Variants in PGS1 observed in about 807,000 individuals in gnomAD.
The protein encoded by PGS1 is CDP-diacylglycerol--glycerol-3-phosphate 3-phosphatidyltransferase, mitochondrial.
Under a neutral mutation model 58.3 loss-of-function variants are expected in PGS1, and 44 were observed. The ratio of observed to expected loss-of-function variants is 0.75; its 90% CI spans 0.59 to 0.97. The LOEUF (loss-of-function observed/expected upper bound fraction) is 0.97, where lower values mean the gene tolerates loss of function less well. Ranked by LOEUF, PGS1 falls within the 50% of genes least tolerant of loss-of-function variation. The pLI, the probability that PGS1 is intolerant of heterozygous loss-of-function variation, is 0.00. For missense variants in PGS1, 684 were observed against 731.1 expected, an observed-to-expected ratio of 0.94 and a Z score of 0.74; for synonymous variants, 330 against 311.0, an observed-to-expected ratio of 1.06 and a Z score of -0.64.
intron 7 of PGS1, among the ~76,000 whole-genome samples, chr17:78,410,462 CTTTTT>C (rs572547320): frequency 6.9e-4 from 51 of 73,544 alleles, no homozygotes; most frequent in East Asian, 1.5e-3. Context: ...AACTTCAGAG[CTTTTT>C]TTTTTTTTTT....
chr17:78,394,482 A>C (rs1235202548), intron 2 of PGS1, among the ~76,000 whole-genome samples: 1 of 151,912 alleles, frequency 6.6e-6, no homozygotes, highest in African/African-American at 2.4e-5. Context: ...GTACCGAATG[A>C]TGCTGCAACT....
intron 7 of PGS1, among the ~76,000 whole-genome samples, chr17:78,410,707 T>C (rs1285493586): frequency 1.3e-5 from 2 of 152,044 alleles, no homozygotes; most frequent in Non-Finnish European, 2.9e-5. Flanking sequence ...CTCCTGACCT[T>C]GTGATCTGCC....
intron 1 of PGS1, among the ~76,000 whole-genome samples, chr17:78,391,435 T>A (rs1446306113): frequency 6.6e-6 from 1 of 152,240 alleles, no homozygotes; most frequent in East Asian, 1.9e-4. Context: ...TCCTCCTGCC[T>A]CAGCCTCTTG....
intron 9 of PGS1, among the ~76,000 whole-genome samples, chr17:78,422,410 A>G (rs546133394): frequency 7.5e-6 from 1 of 132,840 alleles, no homozygotes; most frequent in East Asian, 2.0e-4. Context: ...TTCTTAACCC[A>G]TGATTTAGGT....
chr17:78,387,129 G>C (rs936451596), intron 1 of PGS1, among the ~76,000 whole-genome samples: 2 of 152,014 alleles, frequency 1.3e-5, no homozygotes, highest in Admixed American at 1.3e-4. Flanking sequence ...TCAGCCTCCC[G>C]AGTAGCTGGG....
intron 7 of PGS1, among the ~76,000 whole-genome samples, chr17:78,405,206 C>T (rs746083693): frequency 6.6e-6 from 1 of 151,704 alleles, no homozygotes; most frequent in Non-Finnish European, 1.5e-5. Context: ...CCATGTTGGC[C>T]AGGCTGGTCT....
chr17:78,407,691 CTG>C (rs1173930820), intron 7 of PGS1, among the ~76,000 whole-genome samples: 1 of 152,246 alleles, frequency 6.6e-6, no homozygotes, highest in African/African-American at 2.4e-5. Flanking sequence ...AGCCAGGACT[CTG>C]TGGATTCTAG....
intron 7 of PGS1, among the ~76,000 whole-genome samples, chr17:78,405,867 G>C (rs2084092298): frequency 6.6e-6 from 1 of 152,200 alleles, no homozygotes; most frequent in African/African-American, 2.4e-5. Context: ...CTGAGTGAGT[G>C]GGGGGCCTCC....
intron 6 of PGS1, among the ~76,000 whole-genome samples, chr17:78,403,323 C>T (rs938351): frequency 0.61 from 92,564 of 151,734 alleles, 28,306 homozygotes; most frequent in Admixed American, 0.65. Context: ...TGGAATGATA[C>T]GTCGACATGC....
Position 78,424,109 on chromosome 17 carries a change from G to C in PGS1, c.*59G>C. 2 of 1,613,714 alleles carry C rather than the reference G, an allele frequency of 1.2e-6. No homozygotes were observed. The highest frequency in any genetic ancestry group is 1.7e-6 in the Non-Finnish European group (2 of 1,179,866). On this transcript the variant is annotated 3_prime_UTR_variant, in exon 10 of 10. Coordinates refer to ENST00000262764, the MANE Select transcript of PGS1 (RefSeq NM_024419.5). Reference sequence around the variant, plus strand: ...GGCATGGCCGGGGTCAGCTCTTTCAGCCGCGCTTCAGCGATGACTCCAGTC... The same window carrying C: ...GGCATGGCCGGGGTCAGCTCTTTCACCCGCGCTTCAGCGATGACTCCAGTC...
intron 7 of PGS1, among the ~76,000 whole-genome samples, chr17:78,409,337 G>C (rs1201032133): frequency 6.6e-6 from 1 of 152,274 alleles, no homozygotes; most frequent in Non-Finnish European, 1.5e-5. Context: ...GGGTGGCTAG[G>C]GCGGAGCAGG....
chr17:78,405,992 A>T (rs772736363), intron 7 of PGS1, among the ~76,000 whole-genome samples: 1 of 152,096 alleles, frequency 6.6e-6, no homozygotes, highest in Non-Finnish European at 1.5e-5. Flanking sequence ...CTTTAAACCA[A>T]TGTTTTTCAA....
intron 1 of PGS1, among the ~76,000 whole-genome samples, chr17:78,380,117 C>T (rs941311436): frequency 8.5e-5 from 13 of 152,078 alleles, no homozygotes; most frequent in African/African-American, 2.9e-4. Flanking sequence ...CCACCTGCCT[C>T]GGCCTCCCAA....
intron 1 of PGS1, among the ~76,000 whole-genome samples, chr17:78,380,236 G>C (rs1346338045): frequency 6.6e-6 from 1 of 152,116 alleles, no homozygotes; most frequent in African/African-American, 2.4e-5. Context: ...GCTTCCTTTA[G>C]TTGAGGTTGC....
At chr17:78,399,564 T>C in intron 5 of PGS1, 27 bp downstream of exon 5, 2 of 1,610,844 alleles carry the variant, frequency 1.2e-6, no homozygotes, top group East Asian at 4.5e-5. Context: ...GTCAGTGCTT[T>C]TGCCCTCCTG....
intron 1 of PGS1, among the ~76,000 whole-genome samples, chr17:78,390,820 T>C (rs1406117188): frequency 1.3e-5 from 2 of 152,138 alleles, no homozygotes; most frequent in African/African-American, 4.8e-5. Context: ...TTGGCCTCAG[T>C]GGAGTGTGGA....
Position 78,398,282 on chromosome 17 carries a change from T to A in PGS1, c.442T>A (p.Ser148Thr), listed in dbSNP as rs752582841. ...VDCLESTLEK[S>T]LQAKFPSNLK... ...CTGCCTGGAAAGTACTCTAGAAAAG[T>A]CACTCCAAGCAAAGTTTCCTTCAAA... The change falls in exon 4 of 10, where the codon TCA becomes ACA. Residue 148 changes from serine (S) to threonine (T), a missense_variant. Ser to Thr is a moderately conservative substitution (Grantham distance 58). Transcript: ENST00000262764. 1 of 1,613,942 alleles carries A rather than the reference T, an allele frequency of 6.2e-7. No individual in the cohort carries two copies. Among genetic ancestry groups the A allele is most frequent in the South Asian group, 1.1e-5 (1 of 91,086 alleles).
At chr17:78,383,317 C>T (rs2146056750) in intron 1 of PGS1, among the ~76,000 whole-genome samples, 1 of 152,130 alleles carries the variant, frequency 6.6e-6, no homozygotes, top group African/African-American at 2.4e-5. Flanking sequence ...ACCTCTGCCT[C>T]CTGGCTTCAA....
chr17:78,385,328 G>A (rs1291310000), intron 1 of PGS1, among the ~76,000 whole-genome samples: 1 of 145,092 alleles, frequency 6.9e-6, no homozygotes, highest in Non-Finnish European at 1.5e-5. Context: ...TCGTACTTTC[G>A]CCCAGGTCAG....
Sources: gnomAD v4.1 joint callset for allele counts (sites outside exome capture counted in the v4.1 genomes callset) on GRCh38, gnomAD v4.1.1 for gene constraint, MANE v1.5 for transcripts, NCBI Gene and HGNC (gene_info 2026-07-23, HGNC 2026-07-21) for gene names.